The following PRKCB variants were observed in gnomAD, a reference collection of about 807,000 sequenced individuals.
PRKCB encodes protein kinase C beta type.
Under a neutral mutation model 81.5 loss-of-function variants are expected in PRKCB, and 13 were observed. The ratio of observed to expected loss-of-function variants is 0.16; its 90% CI spans 0.10 to 0.25. The LOEUF (loss-of-function observed/expected upper bound fraction) is 0.25. PRKCB is among the 10% of genes least tolerant of loss of function. The pLI, the probability that PRKCB is intolerant of heterozygous loss-of-function variation, is 1.00. For missense variants in PRKCB, 509 were observed against 875.7 expected, an observed-to-expected ratio of 0.58 and a Z score of 5.29; for synonymous variants, 335 against 321.4, an observed-to-expected ratio of 1.04 and a Z score of -0.45.
chr16:24,001,822 C>A (rs1476550653), intron 3 of PRKCB, among the ~76,000 whole-genome samples: 1 of 151,990 alleles, frequency 6.6e-6, no homozygotes, highest in African/African-American at 2.4e-5. Context: ...AAATCCAGCT[C>A]AAATTAGCAG....
chr16:24,218,332 C>A lies in PRKCB; in HGVS notation c.*3516C>A. On this transcript the variant is annotated 3_prime_UTR_variant, in exon 17 of 17. Transcript: ENST00000643927. ...AACACCGGAAGTAACATGCCGAGCG[C>A]CTGGGGGATGGAAACTCCTATAGCA... is the stretch of plus-strand genomic sequence containing the variant. 1.0e-6 allele frequency: 1 copy of A among 985,220 alleles called. No homozygotes were observed. Among genetic ancestry groups the A allele is most frequent in the African/African-American group, 1.7e-5 (1 of 57,268 alleles). 61.0% of individuals were successfully genotyped at this position (985,220 alleles called of 1,614,324 possible).
At chr16:24,125,797 G>A (rs905026289) in intron 9 of PRKCB, among the ~76,000 whole-genome samples, 4 of 152,196 alleles carry the variant, frequency 2.6e-5, no homozygotes, top group African/African-American at 7.2e-5. Context: ...CACTGAGATG[G>A]ACTAAGGGAT....
intron 2 of PRKCB, among the ~76,000 whole-genome samples, chr16:23,955,234 A>G (rs1053656604): frequency 2.0e-5 from 3 of 148,126 alleles, no homozygotes; most frequent in Middle Eastern, 3.3e-3. Context: ...ACACATGCAC[A>G]CACACACACA....
chr16:24,212,894 C>T (rs2141994660), intron 16 of PRKCB, among the ~76,000 whole-genome samples: 1 of 152,238 alleles, frequency 6.6e-6, no homozygotes, highest in Admixed American at 6.5e-5. Context: ...GTTCATACAA[C>T]CACAGTCTCT....
At chr16:24,194,389 T>A (rs1260136104) in intron 16 of PRKCB, among the ~76,000 whole-genome samples, 8 of 152,098 alleles carry the variant, frequency 5.3e-5, no homozygotes, top group African/African-American at 1.2e-4. Context: ...ATTTCTTTTA[T>A]ATATCAGAAC....
chr16:23,878,129 C>T (rs1338625318), intron 2 of PRKCB, among the ~76,000 whole-genome samples: 6 of 152,246 alleles, frequency 3.9e-5, no homozygotes, highest in Non-Finnish European at 7.4e-5. Flanking sequence ...CCACCGCACC[C>T]GGCCTGTCAC....
intron 5 of PRKCB, among the ~76,000 whole-genome samples, chr16:24,087,797 A>G (rs796402769): frequency 2.4e-4 from 36 of 152,362 alleles, no homozygotes; most frequent in African/African-American, 7.2e-4. Context: ...TTATGGATTC[A>G]GTGCTGTCTT....
intron 3 of PRKCB, among the ~76,000 whole-genome samples, chr16:23,992,134 C>T (rs765054210): frequency 1.3e-5 from 2 of 152,214 alleles, no homozygotes; most frequent in African/African-American, 2.4e-5. Flanking sequence ...TCACTGGAGA[C>T]CGAATCTTCC....
intron 10 of PRKCB, among the ~76,000 whole-genome samples, chr16:24,156,608 G>C (rs1456285403): frequency 2.0e-5 from 3 of 152,236 alleles, no homozygotes; most frequent in East Asian, 3.9e-4. Flanking sequence ...GTTTTGAGTG[G>C]AAGAAGAGAC....
Position 23,839,669 on chromosome 16 carries a change from C to A in PRKCB, c.205+2263C>A, listed in dbSNP as rs558212915. On this transcript the variant is annotated intron_variant, in intron 2 of 16. Coordinates refer to ENST00000643927, the MANE Select transcript of PRKCB (RefSeq NM_002738.7). ...GTGGGCATTTGCACAGGCTACCAGGCAAGTCCCTGTCGGTCTGAATCCTAG... is the reference window on the plus strand; with the variant it reads ...GTGGGCATTTGCACAGGCTACCAGGAAAGTCCCTGTCGGTCTGAATCCTAG... Among the ~76,000 whole-genome samples, 49 of 152,268 alleles carry A rather than the reference C, an allele frequency of 3.2e-4. No individual in the cohort carries two copies. The South Asian group carries it at 1.0e-2, about 31-fold the overall frequency.
chr16:23,917,538 C>T (rs918798732), intron 2 of PRKCB, among the ~76,000 whole-genome samples: 8 of 152,204 alleles, frequency 5.3e-5, no homozygotes, highest in South Asian at 2.1e-4. Context: ...GATGTCCATT[C>T]GGAGATTAGG....
chr16:24,076,913 A>G (rs1046875088), intron 5 of PRKCB, among the ~76,000 whole-genome samples: 1 of 152,108 alleles, frequency 6.6e-6, no homozygotes, highest in Non-Finnish European at 1.5e-5. Context: ...TTTGCATCTC[A>G]GTGTAGTCAG....
intron 7 of PRKCB, among the ~76,000 whole-genome samples, chr16:24,108,370 T>G (rs1249452557): frequency 1.3e-5 from 2 of 148,616 alleles, no homozygotes; most frequent in Non-Finnish European, 3.0e-5. Flanking sequence ...TATTTATTTT[T>G]TATTGATAAT....
At chr16:23,853,726 A>C (rs1393060616) in intron 2 of PRKCB, among the ~76,000 whole-genome samples, 2 of 151,850 alleles carry the variant, frequency 1.3e-5, no homozygotes, top group African/African-American at 4.8e-5. Flanking sequence ...CTAAAAGTGA[A>C]ATAAAGAAGC....
intron 2 of PRKCB, among the ~76,000 whole-genome samples, chr16:23,890,671 T>A (rs968075865): frequency 1.3e-5 from 2 of 152,166 alleles, no homozygotes; most frequent in Non-Finnish European, 2.9e-5. Context: ...GATACCCTCA[T>A]TGACTCTTTC....
chr16:24,089,939 C>T (rs1966357570), intron 5 of PRKCB, among the ~76,000 whole-genome samples: 1 of 151,970 alleles, frequency 6.6e-6, no homozygotes, highest in African/African-American at 2.4e-5. Context: ...ATTCTTTATC[C>T]AATTTTACTC....
chr16:23,991,385 T>C (rs1424742854), intron 3 of PRKCB, among the ~76,000 whole-genome samples: 2 of 152,210 alleles, frequency 1.3e-5, no homozygotes, highest in East Asian at 3.8e-4. Context: ...CTAGCCCTTG[T>C]AGTGCAATTT....
chr16:23,921,885 C>T (rs546718912), intron 2 of PRKCB, among the ~76,000 whole-genome samples: 2 of 152,278 alleles, frequency 1.3e-5, no homozygotes, highest in Non-Finnish European at 2.9e-5. Context: ...CTTGGGTGGG[C>T]ATCAAGGCAG....
At position 24,218,055 on chromosome 16, in the gene PRKCB, T is replaced by C. The variant is rs1024547497; in HGVS notation, c.*3239T>C. The stretch of plus-strand genomic sequence containing the variant: ...CCACAAATAATTACAAACAACCTAC[T>C]GTGTGCCAGGCACTATTCTTAGCAC... On this transcript the variant is annotated 3_prime_UTR_variant, in exon 17 of 17. Transcript: ENST00000643927. 41 of 985,194 alleles carry C rather than the reference T, an allele frequency of 4.2e-5. No homozygotes were observed. The highest frequency in any genetic ancestry group is 2.0e-5 in the Non-Finnish European group (17 of 829,860). 61.0% of individuals were successfully genotyped at this position (985,194 alleles called of 1,614,324 possible).
Sources: gnomAD v4.1 joint callset for allele counts (sites outside exome capture counted in the v4.1 genomes callset) on GRCh38, gnomAD v4.1.1 for gene constraint, MANE v1.5 for transcripts, NCBI Gene and HGNC (gene_info 2026-07-23, HGNC 2026-07-21) for gene names.